Variants in NPAS3 observed in about 807,000 individuals in gnomAD.
The protein encoded by NPAS3 is neuronal PAS domain-containing protein 3.
Under a neutral mutation model 73.1 loss-of-function variants are expected in NPAS3, and 14 were observed. The ratio of observed to expected loss-of-function variants is 0.19; its 90% CI spans 0.13 to 0.30. NPAS3 has a LOEUF of 0.30. NPAS3 is among the 10% of genes least tolerant of loss of function. The pLI, the probability that NPAS3 is intolerant of heterozygous loss-of-function variation, is 1.00. For synonymous variants in NPAS3, 620 were observed against 541.5 expected, an observed-to-expected ratio of 1.14 and a Z score of -2.01; for missense variants, 1,096 against 1,250.0, an observed-to-expected ratio of 0.88 and a Z score of 1.86.
chr14:32,969,938 A>T (rs1339881982), intron 1 of NPAS3, among the ~76,000 whole-genome samples: 1 of 152,336 alleles, frequency 6.6e-6, no homozygotes, highest in South Asian at 2.1e-4. Context: ...AGAAAACCAC[A>T]TTACTAATTA....
At chr14:33,520,953 C>T (rs2053528373) in intron 4 of NPAS3, among the ~76,000 whole-genome samples, 1 of 152,076 alleles carries the variant, frequency 6.6e-6, no homozygotes, top group Non-Finnish European at 1.5e-5. Flanking sequence ...GGTAATTTAC[C>T]TTTATACATT....
intron 4 of NPAS3, among the ~76,000 whole-genome samples, chr14:33,397,610 A>G (rs1297589863): frequency 6.6e-6 from 1 of 152,158 alleles, no homozygotes; most frequent in Non-Finnish European, 1.5e-5. Flanking sequence ...CACTATGTGC[A>G]CTATATGCAC....
intron 7 of NPAS3, among the ~76,000 whole-genome samples, chr14:33,773,932 G>T (rs1054906456): frequency 2.6e-5 from 4 of 152,172 alleles, no homozygotes; most frequent in Non-Finnish European, 5.9e-5. Context: ...CATCTGAAAG[G>T]AGATGGCCAT....
At chr14:33,027,499 G>T (rs138258071) in intron 1 of NPAS3, among the ~76,000 whole-genome samples, 1 of 152,072 alleles carries the variant, frequency 6.6e-6, no homozygotes, top group East Asian at 1.9e-4. Context: ...CTCAGATTAG[G>T]TTAAGTTGGT....
intron 4 of NPAS3, among the ~76,000 whole-genome samples, chr14:33,454,138 G>T (rs1027995390): frequency 6.6e-6 from 1 of 152,122 alleles, no homozygotes; most frequent in Non-Finnish European, 1.5e-5. Context: ...TTATTGCCTG[G>T]CTTTTTACCC....
intron 2 of NPAS3, among the ~76,000 whole-genome samples, chr14:33,192,020 TTA>T (rs1212597056): frequency 1.3e-5 from 2 of 152,180 alleles, no homozygotes; most frequent in Admixed American, 6.5e-5. Flanking sequence ...CCCACAATGG[TTA>T]GAACTTCCAC....
intron 5 of NPAS3, among the ~76,000 whole-genome samples, chr14:33,569,743 T>C (rs545506833): frequency 6.6e-6 from 1 of 152,248 alleles, no homozygotes; most frequent in East Asian, 1.9e-4. Context: ...TTGTTCCTAC[T>C]CTACTTTCTT....
chr14:33,619,801 C>T (rs140152863), intron 5 of NPAS3, among the ~76,000 whole-genome samples: 14 of 152,260 alleles, frequency 9.2e-5, no homozygotes, highest in Middle Eastern at 6.8e-3. Context: ...TGGGTATAGA[C>T]GAAGATATCC....
intron 1 of NPAS3, among the ~76,000 whole-genome samples, chr14:32,962,244 T>A (rs2139231666): frequency 6.6e-6 from 1 of 152,314 alleles, no homozygotes; most frequent in South Asian, 2.1e-4. Flanking sequence ...TTTATTAATA[T>A]TGGTTTAAAT....
At chr14:33,436,501 C>T (rs950942376) in intron 4 of NPAS3, among the ~76,000 whole-genome samples, 9 of 152,146 alleles carry the variant, frequency 5.9e-5, no homozygotes, top group Admixed American at 1.3e-4. Context: ...ACAAAAAGTT[C>T]CTTCCTGAAA....
intron 8 of NPAS3, among the ~76,000 whole-genome samples, chr14:33,775,360 A>G (rs12434532): frequency 0.2 from 29,851 of 152,106 alleles, 3,030 homozygotes; most frequent in Admixed American, 0.24. Context: ...TACTGCGTCA[A>G]TTTGGGGAGG....
At chr14:33,589,633 C>T (rs2056992255) in intron 5 of NPAS3, among the ~76,000 whole-genome samples, 1 of 152,152 alleles carries the variant, frequency 6.6e-6, no homozygotes, top group African/African-American at 2.4e-5. Flanking sequence ...GCTCCTTCCA[C>T]CATCTACTAT....
At chr14:33,430,230 A>G (rs1018464496) in intron 4 of NPAS3, among the ~76,000 whole-genome samples, 1 of 152,094 alleles carries the variant, frequency 6.6e-6, no homozygotes, top group South Asian at 2.1e-4. Flanking sequence ...TCCTGCCTCT[A>G]TTTCTTCCCC....
chr14:33,207,233 TTACACACACACA>T (rs1316398116), intron 2 of NPAS3, among the ~76,000 whole-genome samples: 10 of 123,050 alleles, frequency 8.1e-5, no homozygotes, highest in Admixed American at 7.1e-4. Flanking sequence ...TCAAAGAACA[TTACACACACACA>T]CACACACACA....
In NPAS3 at chr14:33,365,201, C is replaced by CAAAAAAAAAAAAAAAA. The variant is rs371230319; in HGVS notation, c.386-1979_386-1964dup. On this transcript the variant is annotated intron_variant, in intron 3 of 11. Transcript: ENST00000356141. ...CAAAAGCCACCCACCCCCATAATCT[C>CAAAAAAAAAAAAAAAA]AAAAAAAAAAAAAAAAAAAAAGGCT... is the stretch of plus-strand genomic sequence containing the variant. Among the ~76,000 whole-genome samples the CAAAAAAAAAAAAAAAA allele has an allele frequency of 4.2e-4, 19 of 45,068 alleles. 2 individuals are homozygous for CAAAAAAAAAAAAAAAA. The highest frequency in any genetic ancestry group is 1.8e-3 in the African/African-American group (17 of 9,324). The allele number at this position is 45,068 out of a possible 152,430, so 29.6% of individuals were successfully genotyped here. A position where few individuals can be genotyped will look rare whatever the true frequency, so the allele number is the denominator to read the frequency against.
intron 6 of NPAS3, among the ~76,000 whole-genome samples, chr14:33,687,793 C>T (rs1366648075): frequency 6.6e-6 from 1 of 152,248 alleles, no homozygotes; most frequent in Non-Finnish European, 1.5e-5. Flanking sequence ...ATGCATGCGC[C>T]AGGCTTTGTC....
chr14:33,118,507 T>G (rs1184415635), intron 2 of NPAS3, among the ~76,000 whole-genome samples: 1 of 152,170 alleles, frequency 6.6e-6, no homozygotes, highest in African/African-American at 2.4e-5. Flanking sequence ...ACCACTGTGC[T>G]TTTTCCATAC....
At chr14:33,001,366 G>T (rs1476735623) in intron 1 of NPAS3, among the ~76,000 whole-genome samples, 7 of 152,166 alleles carry the variant, frequency 4.6e-5, no homozygotes, top group Non-Finnish European at 1.5e-5. Context: ...GTAGGTGGGT[G>T]CCTCTGAGGA....
At chr14:33,172,053 A>G (rs1470356423) in intron 2 of NPAS3, among the ~76,000 whole-genome samples, 5 of 152,176 alleles carry the variant, frequency 3.3e-5, no homozygotes, top group Admixed American at 3.3e-4. Context: ...CATCGTATAT[A>G]AGCATGATTT....
Sources: allele counts gnomAD v4.1 joint callset (sites outside exome capture counted in the v4.1 genomes callset), GRCh38; gene constraint gnomAD v4.1.1; transcripts MANE v1.5; gene names NCBI Gene and HGNC (gene_info 2026-07-23, HGNC 2026-07-21).